The following NAT1 variants were observed in gnomAD, a reference collection of about 807,000 sequenced individuals.
NAT1 encodes the protein arylamine N-acetyltransferase 1.
For synonymous variants in NAT1, 144 were observed against 122.6 expected (o/e 1.17, Z -1.16); for missense variants, 400 against 339.2 (o/e 1.18, Z -1.41).
chr8:18,191,984 C>G (rs1309308302), intron 2 of NAT1, among the ~76,000 whole-genome samples: 1 of 151,936 alleles, frequency 6.6e-6, no homozygotes, highest in African/African-American at 2.4e-5. Flanking sequence ...CCAAAATTGA[C>G]AAATGGGATC....
chr8:18,203,210 G>T (rs571792769), intron 2 of NAT1, among the ~76,000 whole-genome samples: 1 of 152,284 alleles, frequency 6.6e-6, no homozygotes, highest in Non-Finnish European at 1.5e-5. Context: ...ATATATGAAA[G>T]AGCTCTAATT....
intron 2 of NAT1, among the ~76,000 whole-genome samples, chr8:18,203,025 T>G (rs944098078): frequency 6.6e-6 from 1 of 152,166 alleles, no homozygotes; most frequent in Non-Finnish European, 1.5e-5. Context: ...GAGATTGGTG[T>G]GCTTTTACAG....
chr8:18,190,855 T>C (rs1440253299), intron 2 of NAT1, among the ~76,000 whole-genome samples: 1 of 152,016 alleles, frequency 6.6e-6, no homozygotes, highest in East Asian at 1.9e-4. Flanking sequence ...TAACCTGAGA[T>C]CAGGAGTTCC....
Position 18,194,229 on chromosome 8 carries a change from C to T in NAT1, n.93-15552C>T, listed in dbSNP as rs532040373. Among the ~76,000 whole-genome samples the T allele has an allele frequency of 1.7e-4, 26 of 152,260 alleles. No individual in the cohort carries two copies. In the South Asian group the frequency reaches 5.2e-3, roughly 30 times the overall value. On this transcript the variant is annotated intron_variant and non_coding_transcript_variant, in intron 2 of 4. Transcript: ENST00000517441. ...CTTATCACAAAACGTGATTATTAAC[C>T]AGTAGTGCACGGAGCTGCACTGGGC...
chr8:18,178,162 A>T (rs903958444), intron 2 of NAT1, among the ~76,000 whole-genome samples: 1 of 152,058 alleles, frequency 6.6e-6, no homozygotes, highest in Non-Finnish European at 1.5e-5. Context: ...CTAGAGGCAA[A>T]CTTAAGAGCA....
At chr8:18,174,079 G>A (rs2410467) in intron 2 of NAT1, among the ~76,000 whole-genome samples, 39,428 of 151,930 alleles carry the variant, frequency 0.26, 5,691 homozygotes, top group African/African-American at 0.37. Flanking sequence ...ATGGCTCACT[G>A]GCGCCCTAGG....
Position 18,222,202 on chromosome 8 carries a change from T to G in NAT1, c.155T>G (p.Leu52Ter). Residue 52 changes from leucine (L) to a stop codon, truncating the protein, a stop_gained, in exon 3 of 3, where the codon TTA becomes TGA. Coordinates refer to ENST00000307719, the MANE Select transcript of NAT1 (RefSeq NM_000662.8). LOFTEE classifies it low-confidence loss of function (END_TRUNC). Reference sequence around the variant, plus strand: ...TGTGGGGATGCCATGGACTTAGGCTTAGAGGCCATTTTTGATCAAGTTGTG... The same window carrying G: ...TGTGGGGATGCCATGGACTTAGGCTGAGAGGCCATTTTTGATCAAGTTGTG... ...IHCGDAMDLG[L>*]EAIFDQVVRR... 6.2e-7 allele frequency: 1 copy of G among 1,614,132 alleles called. No homozygotes were observed. Among genetic ancestry groups the G allele is most frequent in the Middle Eastern group, 1.6e-4 (1 of 6,062 alleles).
chr8:18,189,814 G>C (rs895714406), intron 2 of NAT1, among the ~76,000 whole-genome samples: 1 of 152,078 alleles, frequency 6.6e-6, no homozygotes, highest in South Asian at 2.1e-4. Context: ...TTTGTGACAA[G>C]AGTCTCACTC....
chr8:18,174,036 G>A (rs1226700985), intron 2 of NAT1, among the ~76,000 whole-genome samples: 4 of 152,244 alleles, frequency 2.6e-5, no homozygotes, highest in African/African-American at 9.6e-5. Context: ...GTGTGTGTGA[G>A]TCATCCTCCT....
upstream of NAT1, among the ~76,000 whole-genome samples, chr8:18,208,024 C>T (rs1194262797): frequency 6.6e-6 from 1 of 150,960 alleles, no homozygotes; most frequent in Non-Finnish European, 1.5e-5. Flanking sequence ...AGCAGAAAAC[C>T]AAACACTGCA....
intron 2 of NAT1, among the ~76,000 whole-genome samples, chr8:18,176,185 T>C (rs547575520): frequency 4.6e-5 from 7 of 152,134 alleles, no homozygotes; most frequent in Non-Finnish European, 1.0e-4. Context: ...ATTGTTTCTT[T>C]TGCCGTGCAG....
intron 2 of NAT1, among the ~76,000 whole-genome samples, chr8:18,184,244 C>T (rs925710885): frequency 2.4e-4 from 37 of 152,128 alleles, no homozygotes; most frequent in African/African-American, 8.9e-4. Context: ...ATAGATGCCT[C>T]GAAGGTTTAC....
chr8:18,181,779 C>A (rs1802530775), intron 2 of NAT1, among the ~76,000 whole-genome samples: 1 of 152,100 alleles, frequency 6.6e-6, no homozygotes, highest in Admixed American at 6.5e-5. Flanking sequence ...AGACATTTCA[C>A]CATGAAGGGA....
At chr8:18,196,382 G>A (rs561747276) in intron 2 of NAT1, among the ~76,000 whole-genome samples, 1 of 151,858 alleles carries the variant, frequency 6.6e-6, no homozygotes, top group East Asian at 1.9e-4. Context: ...GACAAAAGTA[G>A]GGATGAACAT....
chr8:18,191,385 C>T (rs1802984921), intron 2 of NAT1, among the ~76,000 whole-genome samples: 1 of 152,084 alleles, frequency 6.6e-6, no homozygotes, highest in East Asian at 1.9e-4. Flanking sequence ...AAGCCTGTTT[C>T]TTTTTCTAAG....
intron 2 of NAT1, among the ~76,000 whole-genome samples, chr8:18,179,376 A>G (rs1334550164): frequency 1.1e-4 from 17 of 152,156 alleles, no homozygotes; most frequent in Admixed American, 1.1e-3. Flanking sequence ...TAGAATTGAA[A>G]TTTTGGAGCA....
At chr8:18,221,149 A>G (rs975989969) in intron 2 of NAT1, among the ~76,000 whole-genome samples, 1 of 152,110 alleles carries the variant, frequency 6.6e-6, no homozygotes, top group African/African-American at 2.4e-5. Context: ...ATGTGCTCCA[A>G]TTACCCTTGC....
rs138400841 is a variant in NAT1 at position 18,172,672 on chromosome 8, T to C, written n.92+1933T>C. ...CAGCCTTTTATTATCATTATTCGGA[T>C]AAACATCTTAATTCTGTTATAAAAT... On this transcript the variant is annotated intron_variant and non_coding_transcript_variant, in intron 2 of 4. Transcript: ENST00000517441. Among the ~76,000 whole-genome samples the C allele has an allele frequency of 4.6e-5, 7 of 152,332 alleles. No homozygotes were observed. In the East Asian group the frequency reaches 1.2e-3, roughly 25 times the overall value.
At chr8:18,185,038 T>C (rs1232262504) in intron 2 of NAT1, among the ~76,000 whole-genome samples, 2 of 152,190 alleles carry the variant, frequency 1.3e-5, no homozygotes, top group Admixed American at 6.5e-5. Context: ...AATGTTTAAA[T>C]GTTATTTTTT....
Sources: gnomAD v4.1 joint callset for allele counts (sites outside exome capture counted in the v4.1 genomes callset) on GRCh38, gnomAD v4.1.1 for gene constraint, MANE v1.5 for transcripts, NCBI Gene and HGNC (gene_info 2026-07-23, HGNC 2026-07-21) for gene names.